Variants in PAK5 observed in about 807,000 individuals in gnomAD.
The protein encoded by PAK5 is p21 (RAC1) activated kinase 5.
A neutral mutation model predicts 65.9 loss-of-function variants in PAK5; 16 were observed. That is an observed-to-expected ratio of 0.24 (90% CI 0.16 to 0.37). PAK5 has a LOEUF of 0.37. Ranked by LOEUF, PAK5 falls within the 10% of genes least tolerant of loss-of-function variation. The pLI, the probability that PAK5 is intolerant of heterozygous loss-of-function variation, is 1.00. For synonymous variants in PAK5, 371 were observed against 354.9 expected, an observed-to-expected ratio of 1.05 and a Z score of -0.51; for missense variants, 785 against 903.9, an observed-to-expected ratio of 0.87 and a Z score of 1.69.
chr20:9,714,376 G>T (rs933087903), intron 1 of PAK5, among the ~76,000 whole-genome samples: 4 of 152,056 alleles, frequency 2.6e-5, no homozygotes, highest in Non-Finnish European at 4.4e-5. Flanking sequence ...CCAGTTATCT[G>T]CAGGTACAAA....
chr20:9,572,040 G>A (rs1202601411), intron 4 of PAK5, among the ~76,000 whole-genome samples: 3 of 150,534 alleles, frequency 2.0e-5, no homozygotes, highest in Non-Finnish European at 4.4e-5. Context: ...ATGTCTAGGA[G>A]AGGGGGTGAA....
intron 2 of PAK5, among the ~76,000 whole-genome samples, chr20:9,679,115 T>C (rs895283106): frequency 1.3e-5 from 2 of 152,230 alleles, no homozygotes; most frequent in African/African-American, 2.4e-5. Context: ...GATGAAGATA[T>C]ATACAATGGT....
chr20:9,619,772 T>A (rs542878206), intron 3 of PAK5, among the ~76,000 whole-genome samples: 1 of 152,214 alleles, frequency 6.6e-6, no homozygotes, highest in East Asian at 1.9e-4. Flanking sequence ...AGTCATTCAA[T>A]GTTTGAAGAA....
Position 9,566,496 on chromosome 20 carries a change from T to G in PAK5, c.991-112A>C. The G allele has an allele frequency of 2.8e-6, 3 of 1,058,750 alleles. No homozygotes were observed. In the South Asian group the frequency reaches 4.3e-5, roughly 15 times the overall value. The allele number at this position is 1,058,750 out of a possible 1,614,324, so 65.6% of individuals were successfully genotyped here. ...CAGAATGAGGATCACCAGTGGGAGA[T>G]GAGAGGATCTGGCTGGGGCACCAAC... is the stretch of plus-strand genomic sequence containing the variant. On this transcript the variant is annotated intron_variant, in intron 4 of 9. Transcript: ENST00000353224.
chr20:9,553,901 T>C (rs989769616), intron 7 of PAK5, among the ~76,000 whole-genome samples: 8 of 152,078 alleles, frequency 5.3e-5, no homozygotes, highest in Non-Finnish European at 1.0e-4. Flanking sequence ...GGTAAGTCCA[T>C]TTTTAATTTT....
chr20:9,706,527 A>G (rs1393074836), intron 2 of PAK5, among the ~76,000 whole-genome samples: 4 of 147,078 alleles, frequency 2.7e-5, no homozygotes, highest in African/African-American at 5.1e-5. Flanking sequence ...TTCACAGGCT[A>G]GAGTGCAGCA....
chr20:9,621,263 A>T (rs546854871), intron 3 of PAK5, among the ~76,000 whole-genome samples: 1 of 152,170 alleles, frequency 6.6e-6, no homozygotes, highest in Non-Finnish European at 1.5e-5. Flanking sequence ...GAGACTTAAC[A>T]TGCAAAATAA....
intron 1 of PAK5, among the ~76,000 whole-genome samples, chr20:9,712,241 C>T (rs2048086438): frequency 6.6e-6 from 1 of 152,060 alleles, no homozygotes; most frequent in African/African-American, 2.4e-5. Context: ...TGAGAATCAA[C>T]TATATACATA....
chr20:9,720,313 C>T (rs1239549377), intron 1 of PAK5, among the ~76,000 whole-genome samples: 1 of 152,030 alleles, frequency 6.6e-6, no homozygotes, highest in Non-Finnish European at 1.5e-5. Context: ...CCCAATAATA[C>T]TGGAAGGAGC....
At chr20:9,548,572 G>T (rs1300777786) in intron 7 of PAK5, among the ~76,000 whole-genome samples, 1 of 152,090 alleles carries the variant, frequency 6.6e-6, no homozygotes, top group Non-Finnish European at 1.5e-5. Context: ...ATTCCTTGGG[G>T]ACAACAACTC....
intron 3 of PAK5, among the ~76,000 whole-genome samples, chr20:9,593,846 C>T (rs2046217924): frequency 6.6e-6 from 1 of 152,148 alleles, no homozygotes; most frequent in Admixed American, 6.5e-5. Context: ...CTCTCTCTCT[C>T]CCCCTCCTTA....
chr20:9,698,901 C>A (rs546754955), intron 2 of PAK5, among the ~76,000 whole-genome samples: 1 of 152,306 alleles, frequency 6.6e-6, no homozygotes, highest in East Asian at 1.9e-4. Flanking sequence ...GATGTAACAA[C>A]TGGAAGTTAA....
chr20:9,790,781 G>A (rs913562884), intron 1 of PAK5, among the ~76,000 whole-genome samples: 2 of 152,234 alleles, frequency 1.3e-5, no homozygotes, highest in Non-Finnish European at 2.9e-5. Flanking sequence ...TGGCAGGTGT[G>A]AGCCACTGCA....
At chr20:9,833,060 C>A (rs1261327192) in intron 1 of PAK5, among the ~76,000 whole-genome samples, 4 of 152,188 alleles carry the variant, frequency 2.6e-5, no homozygotes, top group Non-Finnish European at 5.9e-5. Flanking sequence ...AGTACTTCCC[C>A]TAAAATTAGT....
chr20:9,621,405 TAAAA>T (rs33927046), intron 3 of PAK5, among the ~76,000 whole-genome samples: 43 of 118,142 alleles, frequency 3.6e-4, no homozygotes, highest in Non-Finnish European at 1.9e-4. Context: ...CAGGACTGAT[TAAAA>T]AAAAAAAAAA....
intron 1 of PAK5, among the ~76,000 whole-genome samples, chr20:9,791,452 C>T (rs965334362): frequency 2.6e-5 from 4 of 152,024 alleles, no homozygotes; most frequent in Non-Finnish European, 5.9e-5. Flanking sequence ...AGGTGTGTGC[C>T]GTGTGCCACA....
chr20:9,818,250 A>T (rs758331907), intron 1 of PAK5, among the ~76,000 whole-genome samples: 110 of 152,176 alleles, frequency 7.2e-4, no homozygotes, highest in Non-Finnish European at 2.8e-4. Context: ...GTCTTAAGCA[A>T]GAATCCCATT....
chr20:9,825,309 T>C (rs965781073), intron 1 of PAK5, among the ~76,000 whole-genome samples: 6 of 152,156 alleles, frequency 3.9e-5, no homozygotes, highest in African/African-American at 1.4e-4. Context: ...ATCTCACTTG[T>C]TTTTTATTAT....
intron 3 of PAK5, among the ~76,000 whole-genome samples, chr20:9,627,881 C>T (rs2046868851): frequency 6.6e-6 from 1 of 152,166 alleles, no homozygotes; most frequent in South Asian, 2.1e-4. Context: ...CCTGCCTCTG[C>T]CTCCCAAAGT....
Sources: gnomAD v4.1 joint callset for allele counts (sites outside exome capture counted in the v4.1 genomes callset) on GRCh38, gnomAD v4.1.1 for gene constraint, MANE v1.5 for transcripts, NCBI Gene and HGNC (gene_info 2026-07-23, HGNC 2026-07-21) for gene names.